GRK1: variants seen among roughly 807,000 people sequenced by gnomAD.
GRK1 encodes rhodopsin kinase GRK1.
A neutral mutation model predicts 41.7 loss-of-function variants in GRK1; 28 were observed. The observed-to-expected ratio is 0.67, with a 90% CI of 0.50 to 0.92. The LOEUF is 0.92. Among genes scored for constraint, GRK1 ranks in the 40% least tolerant of loss-of-function variants. GRK1 has a pLI of 0.00. For synonymous variants in GRK1, 327 were observed against 286.7 expected (o/e 1.14, Z -1.42); for missense variants, 703 against 671.2 (o/e 1.05, Z -0.52).
chr13:113,659,725 G>A, the GRK1 span, among the ~76,000 whole-genome samples: 2,542 of 152,068 alleles, frequency 0.017, 65 homozygotes, highest in African/African-American at 0.058. Flanking sequence ...GAGCCCCTGC[G>A]CCCAGCCATA....
the GRK1 span, chr13:113,658,146 G>A: frequency 4.5e-5 from 73 of 1,610,884 alleles, no homozygotes; most frequent in East Asian, 1.3e-4. Context: ...AGCCGCCATC[G>A]TCCCTGGCCT....
the GRK1 span, among the ~76,000 whole-genome samples, chr13:113,657,058 G>A: frequency 2.8e-4 from 43 of 152,362 alleles, no homozygotes; most frequent in African/African-American, 8.2e-4. Context: ...CTTTGAGACC[G>A]TGGAGCCTCC....
At position 113,732,878 on chromosome 13, in the gene GRK1, C is replaced by G. The variant is rs556698860; in HGVS notation, c.1195-6C>G. The stretch of plus-strand genomic sequence containing the variant: ...GGCAGGGCTAAGGCTACGCGTGTCC[C>G]CACAGGTGGAGAACAAGGAGCTGAA... On this transcript the variant is annotated splice_polypyrimidine_tract_variant and splice_region_variant and intron_variant, in intron 5 of 6. Transcript: ENST00000335678. The G allele has an allele frequency of 3.9e-5, 60 of 1,536,374 alleles. No individual in the cohort carries two copies. In the African/African-American group the frequency reaches 7.8e-4, roughly 20 times the overall value.
intron 1 of GRK1, 68 bp downstream of exon 1, chr13:113,668,153 A>G: frequency 6.8e-7 from 1 of 1,474,988 alleles, no homozygotes. Context: ...CAGGGTGCAG[A>G]GGGCCCCCAG....
At chr13:113,650,768 G>C in the GRK1 span, among the ~76,000 whole-genome samples, 1 of 152,202 alleles carries the variant, frequency 6.6e-6, no homozygotes, top group Non-Finnish European at 1.5e-5. The surrounding 1 kb of genome is among the most constrained non-coding windows in gnomAD (Gnocchi z 5.0). Flanking sequence ...GGATGACGCA[G>C]GTGGGTGAAG....
rs779113674 is a variant in GRK1, at chr13:113,731,818, G to A, written c.1194+475G>A. On this transcript the variant is annotated intron_variant, in intron 5 of 6. Transcript: ENST00000335678. This position sits in a 1 kb window ranked among gnomAD's most constrained non-coding sequence, Gnocchi z 5.6. ...CTGGGGCTCTGGGGGACACGGAGTC[G>A]GCTCCCCCTCCCTGGACGGTCTTAT... 6.6e-6 allele frequency among the ~76,000 whole-genome samples: 1 copy of A among 152,178 alleles called. No homozygotes were observed. Among genetic ancestry groups the A allele is most frequent in the Middle Eastern group, 3.2e-3 (1 of 316 alleles).
intron 6 of GRK1, among the ~76,000 whole-genome samples, chr13:113,733,499 A>G (rs1010134511): frequency 8.1e-5 from 12 of 148,066 alleles, no homozygotes; most frequent in African/African-American, 2.3e-4. Flanking sequence ...GCGTGTGTGT[A>G]TGTGTGTGCA....
At chr13:113,732,766 C>T (rs2049946234) in intron 5 of GRK1, 118 bp from the exon 6 acceptor site, 1 of 1,090,466 alleles carries the variant, frequency 9.2e-7, no homozygotes. Context: ...GGCACAAGGC[C>T]TCATGGGTCC....
At chr13:113,654,904 TCACCACGTAGAA>T in the GRK1 span, 2 of 1,614,206 alleles carry the variant, frequency 1.2e-6, no homozygotes, top group Non-Finnish European at 1.7e-6. Context: ...AGCCCAGTCA[TCACCACGTAGAA>T]GGCCACGTAG....
intron 6 of GRK1, among the ~76,000 whole-genome samples, chr13:113,733,961 TGTGTGTGC>T (rs775176863): frequency 0.022 from 2,825 of 125,804 alleles, 119 homozygotes; most frequent in Admixed American, 0.11. Context: ...TGTGCATACG[TGTGTGTGC>T]GTGTGTGCGC....
At chr13:113,654,485 A>G in the GRK1 span, among the ~76,000 whole-genome samples, 1 of 152,244 alleles carries the variant, frequency 6.6e-6, no homozygotes, top group African/African-American at 2.4e-5. Flanking sequence ...AAGTAAGTGG[A>G]TGGAAAAACT....
chr13:113,651,712 G>A, the GRK1 span: 1 of 1,613,832 alleles, frequency 6.2e-7, no homozygotes, highest in Non-Finnish European at 8.5e-7. Context: ...CCGTTGCTGG[G>A]GAGGAACTTG....
the GRK1 span, chr13:113,651,765 C>G: frequency 6.2e-7 from 1 of 1,607,618 alleles, no homozygotes; most frequent in Non-Finnish European, 8.5e-7. Flanking sequence ...GCTCCCCACC[C>G]CCACCGCCAT....
At chr13:113,669,868 G>C in intron 2 of GRK1, 54 bp downstream of exon 2, 1 of 1,603,996 alleles carries the variant, frequency 6.2e-7, no homozygotes, top group Non-Finnish European at 8.5e-7. Flanking sequence ...CTGGGTCAGG[G>C]TTTCCAGGGC....
At chr13:113,734,214 C>A (rs527379829) in intron 6 of GRK1, among the ~76,000 whole-genome samples, 4 of 152,178 alleles carry the variant, frequency 2.6e-5, no homozygotes, top group Non-Finnish European at 5.9e-5. Context: ...GCAGAAGACC[C>A]CCCAAACGAG....
intron 6 of GRK1, among the ~76,000 whole-genome samples, chr13:113,733,978 G>GCATA (rs1260842272): frequency 7.8e-6 from 1 of 127,520 alleles, no homozygotes; most frequent in Non-Finnish European, 1.7e-5. Context: ...GCGTGTGTGC[G>GCATA]CATGTGTGTG....
intron 2 of GRK1, 61 bp downstream of exon 2, chr13:113,669,875 G>A: frequency 6.3e-7 from 1 of 1,597,760 alleles, no homozygotes; most frequent in South Asian, 1.1e-5. Context: ...AGGGTTTCCA[G>A]GGCCCGGGCT....
Position 113,668,087 on chromosome 13 carries a change from T to C in GRK1, c.699+2T>C. The C allele has an allele frequency of 6.3e-7, 1 of 1,599,886 alleles. No homozygotes were observed. Among genetic ancestry groups the C allele is most frequent in the Middle Eastern group, 1.7e-4 (1 of 5,954 alleles). On this transcript the variant is annotated splice_donor_variant, in intron 1 of 6. Coordinates refer to ENST00000335678, the MANE Select transcript of GRK1 (RefSeq NM_002929.3). LOFTEE classifies it high-confidence loss of function. Reference sequence around the variant, plus strand: ...CTGAAGAAGAGGAAGGGCTACCAGGTGAGCAGCGCGACCCGGCCAGCAGGG... The same window carrying C: ...CTGAAGAAGAGGAAGGGCTACCAGGCGAGCAGCGCGACCCGGCCAGCAGGG...
chr13:113,664,520 A>G (rs2049806359), upstream of GRK1, among the ~76,000 whole-genome samples: 1 of 152,236 alleles, frequency 6.6e-6, no homozygotes, highest in Admixed American at 6.5e-5. This position sits in a 1 kb window ranked among gnomAD's most constrained non-coding sequence, Gnocchi z 5.4. Context: ...ATCACTGAAT[A>G]AACCCTGTGA....
Sources: allele counts gnomAD v4.1 joint callset (sites outside exome capture counted in the v4.1 genomes callset), GRCh38; gene constraint gnomAD v4.1.1; non-coding constraint Gnocchi (gnomAD v3.1); transcripts MANE v1.5; gene names NCBI Gene and HGNC (gene_info 2026-07-23, HGNC 2026-07-21).